GALK2: variants seen among roughly 807,000 people sequenced by gnomAD.
GALK2 encodes the protein galactokinase 2, also known as N-acetylgalactosamine kinase.
GALK2 carries 36 observed loss-of-function variants against 52.4 expected under a neutral mutation model. The ratio of observed to expected loss-of-function variants is 0.69; its 90% CI spans 0.53 to 0.91. The LOEUF (loss-of-function observed/expected upper bound fraction) is 0.91. Among genes scored for constraint, GALK2 ranks in the 40% least tolerant of loss-of-function variants. The pLI, the probability that GALK2 is intolerant of heterozygous loss-of-function variation, is 0.00. For missense variants in GALK2, 579 were observed against 559.1 expected, an observed-to-expected ratio of 1.04 and a Z score of -0.36; for synonymous variants, 176 against 199.1, an observed-to-expected ratio of 0.88 and a Z score of 0.98.
At chr15:49,293,649 T>G (rs112027512) in intron 8 of GALK2, among the ~76,000 whole-genome samples, 10 of 152,366 alleles carry the variant, frequency 6.6e-5, no homozygotes, top group African/African-American at 2.4e-4. Flanking sequence ...AAGTTTACCT[T>G]AGTTTTGCCA....
At chr15:49,366,203 C>T (rs1188750189) in intron 3 of GALK2, 9 of 796,142 alleles carry the variant, frequency 1.1e-5, no homozygotes, top group Non-Finnish European at 2.1e-5. Flanking sequence ...CGATGGAGAA[C>T]ACATTTTCAC....
At chr15:49,315,921 TTAAAATATTTAATCCTAAAA>T (rs2151075910) in intron 8 of GALK2, among the ~76,000 whole-genome samples, 1 of 152,308 alleles carries the variant, frequency 6.6e-6, no homozygotes, top group South Asian at 2.1e-4. Context: ...AGTTTCTATT[TTAAAATATTTAATCCTAAAA>T]TAAAATATTT....
At chr15:49,169,126 G>C (rs1321858629), upstream of GALK2, 2 of 152,330 alleles carry the variant, frequency 1.3e-5, no homozygotes, top group Non-Finnish European at 3.0e-5. Context: ...TATACAGAAG[G>C]GGGAAGGAAA....
intron 2 of GALK2, among the ~76,000 whole-genome samples, chr15:49,206,673 G>A (rs958869377): frequency 1.3e-5 from 2 of 152,012 alleles, no homozygotes; most frequent in Non-Finnish European, 2.9e-5. Flanking sequence ...AGCTATATTT[G>A]TGTACATTAA....
chr15:49,192,485 G>GTATATGTATA (rs2086806183), intron 1 of GALK2, among the ~76,000 whole-genome samples: 1 of 102,976 alleles, frequency 9.7e-6, no homozygotes, highest in Non-Finnish European at 1.9e-5. Context: ...ATATATATAT[G>GTATATGTATA]TATATATATA....
chr15:49,359,364 T>C (rs2043765470), intron 3 of GALK2, among the ~76,000 whole-genome samples: 1 of 119,170 alleles, frequency 8.4e-6, no homozygotes, highest in African/African-American at 3.2e-5. Flanking sequence ...ATATCCAGAA[T>C]CTACAATAAA....
rs560726320 is a variant in GALK2 at position 49,249,078 on chromosome 15, G to T, written c.504+9711G>T. On this transcript the variant is annotated intron_variant, in intron 5 of 9. Coordinates refer to ENST00000560031, the MANE Select transcript of GALK2 (RefSeq NM_002044.4). Reference sequence around the variant, plus strand: ...TACACAGTATTCAAATAATTAACTGGAATAATGCAAGTGATATTAAGTACT... The same window carrying T: ...TACACAGTATTCAAATAATTAACTGTAATAATGCAAGTGATATTAAGTACT... 1.2e-4 allele frequency among the ~76,000 whole-genome samples: 18 copies of T among 152,264 alleles called. 1 individual carries two copies. The South Asian group carries it at 3.5e-3, about 30-fold the overall frequency.
intron 5 of GALK2, among the ~76,000 whole-genome samples, chr15:49,277,079 T>C (rs2031850865): frequency 7.0e-6 from 1 of 143,640 alleles, no homozygotes; most frequent in African/African-American, 2.5e-5. Context: ...GTTCACGCCA[T>C]TCTCCTGCCT....
chr15:49,264,441 C>G (rs964338257), intron 5 of GALK2, among the ~76,000 whole-genome samples: 2 of 152,256 alleles, frequency 1.3e-5, no homozygotes, highest in Middle Eastern at 3.4e-3. Flanking sequence ...AAGCGCTTCT[C>G]TGTATTGATT....
rs768219861 is a variant in GALK2, at chr15:49,235,984, A to C, written c.357+43A>C. 15 of 1,093,646 alleles carry C rather than the reference A, an allele frequency of 1.4e-5. No homozygotes were observed. In the South Asian group the frequency reaches 1.9e-4, roughly 14 times the overall value. The allele number at this position is 1,093,646 out of a possible 1,614,324, so 67.7% of individuals were successfully genotyped here. On this transcript the variant is annotated intron_variant, in intron 4 of 9. Coordinates refer to ENST00000560031, the MANE Select transcript of GALK2 (RefSeq NM_002044.4). ...GCACTTACTACCAGTTGAGATTATCATGTGTATTCTGTCAGATTTATTTTA... is the reference window on the plus strand; with the variant it reads ...GCACTTACTACCAGTTGAGATTATCCTGTGTATTCTGTCAGATTTATTTTA...
intron 1 of GALK2, 88 bp from the exon 2 acceptor site, chr15:49,201,074 G>GTGTGTGTGTGTGTA (rs1469278863): frequency 5.6e-5 from 37 of 664,770 alleles, no homozygotes; most frequent in African/African-American, 5.5e-4. Flanking sequence ...GTGTGTGTGT[G>GTGTGTGTGTGTGTA]TGTGTGTGTG....
intron 3 of GALK2, among the ~76,000 whole-genome samples, chr15:49,337,105 T>C (rs144451958): frequency 6.6e-6 from 1 of 152,370 alleles, no homozygotes. Context: ...GATGGGGATC[T>C]ACGTTGATTC....
intron 5 of GALK2, among the ~76,000 whole-genome samples, chr15:49,240,617 A>G (rs2091048358): frequency 6.6e-6 from 1 of 152,230 alleles, no homozygotes; most frequent in African/African-American, 2.4e-5. Flanking sequence ...TGATGGCATG[A>G]TAACACTGAT....
chr15:49,290,637 A>G (rs186158743), intron 7 of GALK2, among the ~76,000 whole-genome samples: 1 of 152,302 alleles, frequency 6.6e-6, no homozygotes, highest in East Asian at 1.9e-4. Flanking sequence ...ATTACTGTGG[A>G]CTGAAAGCTT....
At chr15:49,342,762 TTTTATTTCTCC>T (rs2040930972) in intron 3 of GALK2, among the ~76,000 whole-genome samples, 1 of 152,138 alleles carries the variant, frequency 6.6e-6, no homozygotes, top group Non-Finnish European at 1.5e-5. Context: ...GTCTGGAAGA[TTTTATTTCTCC>T]TTGCTTATGA....
At chr15:49,258,790 A>ATGTGTG (rs1324911449) in intron 5 of GALK2, among the ~76,000 whole-genome samples, 11 of 115,466 alleles carry the variant, frequency 9.5e-5, no homozygotes, top group African/African-American at 4.2e-4. Flanking sequence ...ATATATATAT[A>ATGTGTG]TATATGTGTG....
intron 3 of GALK2, among the ~76,000 whole-genome samples, chr15:49,363,808 G>A (rs2044661925): frequency 6.6e-6 from 1 of 152,002 alleles, no homozygotes. Flanking sequence ...AGTTTGTTGA[G>A]GGTTTTTTAT....
chr15:49,252,135 T>A (rs1170554434), intron 5 of GALK2, among the ~76,000 whole-genome samples: 6 of 152,036 alleles, frequency 3.9e-5, no homozygotes, highest in African/African-American at 7.2e-5. Context: ...GGTATGATGG[T>A]GAGCACCTGT....
intron 4 of GALK2, among the ~76,000 whole-genome samples, chr15:49,237,412 T>A (rs909990922): frequency 6.6e-6 from 1 of 152,232 alleles, no homozygotes; most frequent in Non-Finnish European, 1.5e-5. Flanking sequence ...ATTTTGAATT[T>A]GTTATACATT....
Sources: allele counts gnomAD v4.1 joint callset (sites outside exome capture counted in the v4.1 genomes callset), GRCh38; gene constraint gnomAD v4.1.1; transcripts MANE v1.5; gene names NCBI Gene and HGNC (gene_info 2026-07-23, HGNC 2026-07-21).